Variants in BCS1L observed in about 807,000 individuals in gnomAD.
The protein encoded by BCS1L is BCS1 ubiquinol-cytochrome c reductase complex chaperone, also known as mitochondrial chaperone BCS1.
Under a neutral mutation model 49.3 loss-of-function variants are expected in BCS1L, and 38 were observed. The ratio of observed to expected loss-of-function variants is 0.77; its 90% CI spans 0.59 to 1.01. The LOEUF is 1.01. Ranked by LOEUF, BCS1L falls within the 50% of genes least tolerant of loss-of-function variation. The pLI is 0.00. For synonymous variants in BCS1L, 193 were observed against 210.1 expected, an observed-to-expected ratio of 0.92 and a Z score of 0.70; for missense variants, 394 against 540.2, an observed-to-expected ratio of 0.73 and a Z score of 2.68.
rs746710484 is a variant in BCS1L at position 218,663,238 on chromosome 2, G to C, written c.1112G>C (p.Gly371Ala). ...LTQMFQRFYP[G>A]QAPSLAENFA... ...CAGATGTTCCAGAGGTTCTATCCAG[G>C]GCAGGCACCTTCCTTAGCTGAGAAC... Residue 371 changes from glycine to alanine, a missense_variant, in exon 8 of 8, where the codon GGG (glycine) becomes GCG (alanine). Transcript: ENST00000359273. The C allele has an allele frequency of 1.9e-6, 3 of 1,614,192 alleles. No homozygotes were observed. Among genetic ancestry groups the C allele is most frequent in the Admixed American group, 3.3e-5 (2 of 60,022 alleles).
chr2:218,661,212 G>A lies in BCS1L; in HGVS notation c.225G>A (p.Gln75=), dbSNP rs2106322162. 1 of 1,614,210 alleles carries A rather than the reference G, an allele frequency of 6.2e-7. No homozygotes were observed. The highest frequency in any genetic ancestry group is 8.5e-7 in the Non-Finnish European group (1 of 1,180,042). The part of the protein sequence containing the change: ...SWLTRHSTRT[Q]HLSVETSYLQ... ...TCACCCGCCACAGTACCCGTACTCAGCACCTCAGTGTCGAGACTTCGTACC... is the reference window on the plus strand; with the variant it reads ...TCACCCGCCACAGTACCCGTACTCAACACCTCAGTGTCGAGACTTCGTACC... Residue 75 remains glutamine (Q), a synonymous_variant, in exon 2 of 8, where the codon CAG becomes CAA. Transcript: ENST00000359273. The surrounding 1 kb of genome is among the most constrained non-coding windows in gnomAD (Gnocchi z 5.9).
chr2:218,661,607 G>A lies in BCS1L; in HGVS notation c.460+62G>A. 1.2e-6 allele frequency: 2 copies of A among 1,606,180 alleles called. No individual in the cohort carries two copies. Among genetic ancestry groups the A allele is most frequent in the South Asian group, 2.2e-5 (2 of 90,268 alleles). On this transcript the variant is annotated intron_variant, in intron 3 of 7. Transcript: ENST00000359273. This position sits in a 1 kb window ranked among gnomAD's most constrained non-coding sequence, Gnocchi z 5.9. ...GCAGGGATGGGGACATTTGACATCA[G>A]ATGAGCAGTTTGGAGAAGTGGAATA...
rs777735526 is a variant in BCS1L at position 218,661,434 on chromosome 2, C to A, written c.349C>A (p.Arg117=). Residue 117 remains arginine, a synonymous_variant, in exon 3 of 8, where the codon CGA becomes AGA. Transcript: ENST00000359273. The surrounding 1 kb of genome is among the most constrained non-coding windows in gnomAD (Gnocchi z 5.9). ...TCGGGGGAAATGGATTCGGGTAGAACGAAGTCGAGAGATGCAGATGATAGA... is the reference window on the plus strand; with the variant it reads ...TCGGGGGAAATGGATTCGGGTAGAAAGAAGTCGAGAGATGCAGATGATAGA... ...WYRGKWIRVE[R]SREMQMIDLQ... is the part of the protein sequence containing the mutation. 2.5e-6 allele frequency: 4 copies of A among 1,614,162 alleles called. No individual in the cohort carries two copies. In the African/African-American group the frequency reaches 5.3e-5, roughly 22 times the overall value.
Position 218,661,377 on chromosome 2 carries a change from C to T in BCS1L, c.321-29C>T, listed in dbSNP as rs1265561407. The T allele has an allele frequency of 1.9e-6, 3 of 1,614,082 alleles. No individual in the cohort carries two copies. Among genetic ancestry groups the T allele is most frequent in the East Asian group, 4.5e-5 (2 of 44,906 alleles). ...ATGGGAGCTGGGTTTGACCCATTCACTCACTCAGTTTTGATCGTTCTTATT... is the reference window on the plus strand; with the variant it reads ...ATGGGAGCTGGGTTTGACCCATTCATTCACTCAGTTTTGATCGTTCTTATT... On this transcript the variant is annotated intron_variant, in intron 2 of 7. Coordinates refer to ENST00000359273, the MANE Select transcript of BCS1L (RefSeq NM_001079866.2). This position sits in a 1 kb window ranked among gnomAD's most constrained non-coding sequence, Gnocchi z 5.9.
chr2:218,663,011 G>A lies in BCS1L; in HGVS notation c.1007+11G>A. On this transcript the variant is annotated intron_variant, in intron 7 of 7. Transcript: ENST00000359273. The stretch of plus-strand genomic sequence containing the variant: ...CAACCACGTTGACAGGTAGGAAGGA[G>A]CCAGGCATCCTGAGACTTAGGCAAG... 2 of 1,613,928 alleles carry A rather than the reference G, an allele frequency of 1.2e-6. No individual in the cohort carries two copies. The highest frequency in any genetic ancestry group is 1.7e-6 in the Non-Finnish European group (2 of 1,179,970).
chr2:218,661,811 T>G lies in BCS1L; in HGVS notation c.513T>G (p.Ala171=). The change falls in exon 4 of 8, where the codon GCT becomes GCG. Residue 171 remains alanine, a synonymous_variant. Transcript: ENST00000359273. This position sits in a 1 kb window ranked among gnomAD's most constrained non-coding sequence, Gnocchi z 5.9. ...AAGGGAAGACCGTGATGTACACAGC[T>G]GTGGGCTCTGAATGGCGTCCCTTTG... ...QEEGKTVMYT[A]VGSEWRPFGY... is the part of the protein sequence containing the mutation. 6.2e-7 allele frequency: 1 copy of G among 1,614,210 alleles called. No individual in the cohort carries two copies. The highest frequency in any genetic ancestry group is 8.5e-7 in the Non-Finnish European group (1 of 1,180,002).
Position 218,661,679 on chromosome 2 carries a change from G to A in BCS1L, c.461-80G>A. 2.5e-6 allele frequency: 4 copies of A among 1,584,130 alleles called. No individual in the cohort carries two copies. Among genetic ancestry groups the A allele is most frequent in the Non-Finnish European group, 2.6e-6 (3 of 1,163,722 alleles). ...GGGAACAGGGGGCCAGAAGGAAGCT[G>A]TTTGGCACAGCTCCACCTAATTGAA... On this transcript the variant is annotated intron_variant, in intron 3 of 7. Transcript: ENST00000359273. The surrounding 1 kb of genome is among the most constrained non-coding windows in gnomAD (Gnocchi z 5.9).
Position 218,662,185 on chromosome 2 carries a change from C to T in BCS1L, c.656-12C>T. ...GGGGCAAAAGACATGATCATCCTGGCTCTATCCCTAGGCATTCCTTACAGA... is the reference window on the plus strand; with the variant it reads ...GGGGCAAAAGACATGATCATCCTGGTTCTATCCCTAGGCATTCCTTACAGA... On this transcript the variant is annotated splice_polypyrimidine_tract_variant and intron_variant, in intron 4 of 7. Transcript: ENST00000359273. The surrounding 1 kb of genome is among the most constrained non-coding windows in gnomAD (Gnocchi z 5.8). 6.2e-7 allele frequency: 1 copy of T among 1,613,446 alleles called. No homozygotes were observed. The highest frequency in any genetic ancestry group is 1.1e-5 in the South Asian group (1 of 91,072).
Position 218,661,253 on chromosome 2 carries a change from G to C in BCS1L, c.266G>C (p.Gly89Ala). 1 of 1,614,204 alleles carries C rather than the reference G, an allele frequency of 6.2e-7. No homozygotes were observed. The highest frequency in any genetic ancestry group is 8.5e-7 in the Non-Finnish European group (1 of 1,180,052). ...VETSYLQHES[G>A]RISTKFEFVP... is the part of the protein sequence containing the mutation. ...ACTTCGTACCTTCAGCATGAGAGTG[G>C]CCGCATTTCCACTAAGTTTGAATTT... The change falls in exon 2 of 8, where the codon GGC becomes GCC. Residue 89 changes from glycine (G) to alanine (A), a missense_variant. Coordinates refer to ENST00000359273, the MANE Select transcript of BCS1L (RefSeq NM_001079866.2). The surrounding 1 kb of genome is among the most constrained non-coding windows in gnomAD (Gnocchi z 5.9).
In BCS1L at chr2:218,661,672, G is replaced by A. The variant is rs1939463817; in HGVS notation, c.461-87G>A. ...AGCCCATGGGAACAGGGGGCCAGAA[G>A]GAAGCTGTTTGGCACAGCTCCACCT... On this transcript the variant is annotated intron_variant, in intron 3 of 7. Transcript: ENST00000359273. The surrounding 1 kb of genome is among the most constrained non-coding windows in gnomAD (Gnocchi z 5.9). The A allele has an allele frequency of 6.3e-7, 1 of 1,579,516 alleles. No homozygotes were observed. The highest frequency in any genetic ancestry group is 8.6e-7 in the Non-Finnish European group (1 of 1,160,528).
rs138756092 is a variant in BCS1L, at chr2:218,661,290, T to G, written c.303T>G (p.Pro101=). ...CTAAGTTTGAATTTGTCCCCAGCCC[T>G]GGAAACCATTTTATCTGGTAAGGTG... ...ISTKFEFVPS[P]GNHFIWYRGK... is the part of the protein sequence containing the mutation. The change falls in exon 2 of 8, where the codon CCT becomes CCG. Residue 101 remains proline, a synonymous_variant. Transcript: ENST00000359273. The surrounding 1 kb of genome is among the most constrained non-coding windows in gnomAD (Gnocchi z 5.9). 1.1e-4 allele frequency: 181 copies of G among 1,614,198 alleles called. No individual in the cohort carries two copies. Among genetic ancestry groups the G allele is most frequent in the Non-Finnish European group, 1.4e-4 (164 of 1,180,040 alleles).
chr2:218,660,424 GAAGA>G, intron 1 of BCS1L: 2 of 156,192 alleles, frequency 1.3e-5, no homozygotes, highest in Admixed American at 6.2e-5. Context: ...AGCAGGAGGT[GAAGA>G]CCTATTAAAA....
rs2106324185 is a variant in BCS1L, at chr2:218,661,478, T to C, written c.393T>C (p.Pro131=). 6.2e-7 allele frequency: 1 copy of C among 1,614,166 alleles called. No individual in the cohort carries two copies. The highest frequency in any genetic ancestry group is 1.1e-5 in the South Asian group (1 of 91,080). ...TGATAGACTTGCAGACGGGGACTCC[T>C]TGGGAATCTGTCACCTTCACGGCCC... is the stretch of plus-strand genomic sequence containing the variant. The part of the protein sequence containing the change: ...MQMIDLQTGT[P]WESVTFTALG... The change falls in exon 3 of 8, where the codon CCT becomes CCC. Residue 131 remains proline, a synonymous_variant. Coordinates refer to ENST00000359273, the MANE Select transcript of BCS1L (RefSeq NM_001079866.2). The surrounding 1 kb of genome is among the most constrained non-coding windows in gnomAD (Gnocchi z 5.9).
intron 1 of BCS1L, chr2:218,660,672 A>C: frequency 2.9e-6 from 1 of 339,388 alleles, no homozygotes; most frequent in East Asian, 6.2e-5. Context: ...TCCATCCATT[A>C]CCCTGATGTG....
In BCS1L at chr2:218,661,659, C is replaced by T. The variant is rs1260087477; in HGVS notation, c.461-100C>T. 4 of 1,578,894 alleles carry T rather than the reference C, an allele frequency of 2.5e-6. No homozygotes were observed. The highest frequency in any genetic ancestry group is 3.4e-6 in the Non-Finnish European group (4 of 1,161,234). ...GCAGGCCGGGGTGAGCCCATGGGAA[C>T]AGGGGGCCAGAAGGAAGCTGTTTGG... On this transcript the variant is annotated intron_variant, in intron 3 of 7. Transcript: ENST00000359273. This position sits in a 1 kb window ranked among gnomAD's most constrained non-coding sequence, Gnocchi z 5.9.
rs1939382793 is a variant in BCS1L, at chr2:218,661,266, TAA to T, written c.280_281del (p.Lys94ValfsTer2). The T allele has an allele frequency of 6.2e-7, 1 of 1,614,182 alleles. No individual in the cohort carries two copies. Among genetic ancestry groups the T allele is most frequent in the Non-Finnish European group, 8.5e-7 (1 of 1,180,042 alleles). Reference protein sequence around the residue: ...LQHESGRISTKFEFVPSPGNH... With the variant: ...LQHESGRISTXFEFVPSPGNH... ...AGCATGAGAGTGGCCGCATTTCCAC[TAA>T]GTTTGAATTTGTCCCCAGCCCTGGA... On this transcript the variant is annotated frameshift_variant, in exon 2 of 8. Coordinates refer to ENST00000359273, the MANE Select transcript of BCS1L (RefSeq NM_001079866.2). LOFTEE classifies it high-confidence loss of function. The surrounding 1 kb of genome is among the most constrained non-coding windows in gnomAD (Gnocchi z 5.9).
rs377025174 is a variant in BCS1L at position 218,661,192 on chromosome 2, C to A, written c.205C>A (p.Arg69Ser). The change falls in exon 2 of 8, where the codon CGC becomes AGC. Residue 69 changes from arginine (R) to serine (S), a missense_variant. By Grantham distance (110) the Arg-to-Ser change is moderately radical. Transcript: ENST00000359273. This position sits in a 1 kb window ranked among gnomAD's most constrained non-coding sequence, Gnocchi z 5.9. Reference protein sequence around the residue: ...SYAWLLSWLTRHSTRTQHLSV... With the variant: ...SYAWLLSWLTSHSTRTQHLSV... ...TGCCTGGTTGCTTAGCTGGCTCACC[C>A]GCCACAGTACCCGTACTCAGCACCT... The A allele has an allele frequency of 6.2e-7, 1 of 1,614,168 alleles. No homozygotes were observed. Among genetic ancestry groups the A allele is most frequent in the South Asian group, 1.1e-5 (1 of 91,080 alleles).
At chr2:218,659,215 CG>C, upstream of BCS1L, 1 of 152,538 alleles carries the variant, frequency 6.6e-6, no homozygotes, top group Non-Finnish European at 1.5e-5. The surrounding 1 kb of genome is among the most constrained non-coding windows in gnomAD (Gnocchi z 4.4). Context: ...ACTGCAGCGC[CG>C]GGGCCCAGCT....
At position 218,662,935 on chromosome 2, in the gene BCS1L, T is replaced by C. The variant is rs1386438067; in HGVS notation, c.942T>C (p.Asn314=). 3 of 1,613,926 alleles carry C rather than the reference T, an allele frequency of 1.9e-6. No homozygotes were observed. The highest frequency in any genetic ancestry group is 3.3e-5 in the Admixed American group (2 of 59,992). Residue 314 remains asparagine (N), a synonymous_variant, in exon 7 of 8, where the codon AAT becomes AAC. Coordinates refer to ENST00000359273, the MANE Select transcript of BCS1L (RefSeq NM_001079866.2). The surrounding 1 kb of genome is among the most constrained non-coding windows in gnomAD (Gnocchi z 5.8). ...LGRLTFSGLL[N]ALDGVASTEA... is the part of the protein sequence containing the mutation. ...GCCTCACCTTCAGTGGACTGCTCAA[T>C]GCCTTGGATGGTGTGGCTTCCACCG...
Sources: gnomAD v4.1 joint callset for allele counts on GRCh38, gnomAD v4.1.1 for gene constraint, Gnocchi (gnomAD v3.1) non-coding constraint, MANE v1.5 for transcripts, NCBI Gene and HGNC (gene_info 2026-07-23, HGNC 2026-07-21) for gene names.